MTREX: variants seen among roughly 807,000 people sequenced by gnomAD.
MTREX encodes the protein exosome RNA helicase MTR4.
MTREX carries 76 observed loss-of-function variants against 135.4 expected under a neutral mutation model. The observed-to-expected ratio is 0.56, with a 90% CI of 0.47 to 0.68. MTREX has a LOEUF of 0.68. Ranked by LOEUF, MTREX falls within the 30% of genes least tolerant of loss-of-function variation. MTREX has a pLI of 0.00. For synonymous variants in MTREX, 404 were observed against 401.6 expected (o/e 1.01, Z -0.07); for missense variants, 920 against 1,262.1 (o/e 0.73, Z 4.11).
chr5:55,362,561 A>G (rs560647728), intron 15 of MTREX, among the ~76,000 whole-genome samples: 4 of 151,794 alleles, frequency 2.6e-5, no homozygotes, highest in African/African-American at 9.7e-5. Context: ...GGATTTCGCC[A>G]TGTTAGCCAG....
chr5:55,416,565 A>G (rs1750969227), intron 25 of MTREX, among the ~76,000 whole-genome samples: 1 of 152,168 alleles, frequency 6.6e-6, no homozygotes, highest in South Asian at 2.1e-4. Context: ...CATGAATCAG[A>G]TTAAATTTAA....
chr5:55,324,092 G>T, intron 2 of MTREX, 40 bp from the exon 3 acceptor site: 1 of 1,422,880 alleles, frequency 7.0e-7, no homozygotes. Context: ...TTATAGAAAA[G>T]TAATTTGTTT....
intron 7 of MTREX, among the ~76,000 whole-genome samples, chr5:55,342,915 A>C (rs1165586432): frequency 6.6e-6 from 1 of 152,220 alleles, no homozygotes; most frequent in Non-Finnish European, 1.5e-5. Flanking sequence ...TCTCCAGAGG[A>C]TCACAAGGAT....
intron 20 of MTREX, 83 bp downstream of exon 20, chr5:55,397,609 AAT>A: frequency 2.7e-6 from 2 of 752,908 alleles, no homozygotes; most frequent in Non-Finnish European, 2.1e-6. Context: ...AATGCTTTTA[AAT>A]ATATTGCTTT....
rs770594394 is a variant in MTREX at position 55,422,850 on chromosome 5, A to G, written c.2972-28A>G. ...TGCTGTTCCTGATTATTTCCATTTTACCAGTGTTTTGTTCCTTTTCTATCC... is the reference window on the plus strand; with the variant it reads ...TGCTGTTCCTGATTATTTCCATTTTGCCAGTGTTTTGTTCCTTTTCTATCC... On this transcript the variant is annotated intron_variant, in intron 25 of 26. Coordinates refer to ENST00000230640, the MANE Select transcript of MTREX (RefSeq NM_015360.5). 3.2e-6 allele frequency: 5 copies of G among 1,571,228 alleles called. No individual in the cohort carries two copies. The Admixed American group carries it at 5.3e-5, about 17-fold the overall frequency.
At chr5:55,402,615 G>A (rs1750739412) in intron 21 of MTREX, among the ~76,000 whole-genome samples, 1 of 152,124 alleles carries the variant, frequency 6.6e-6, no homozygotes, top group Admixed American at 6.6e-5. Flanking sequence ...ATGAAAAAAG[G>A]ATCTGAAATT....
intron 1 of MTREX, among the ~76,000 whole-genome samples, chr5:55,312,105 G>T (rs946853714): frequency 6.6e-6 from 1 of 152,014 alleles, no homozygotes; most frequent in African/African-American, 2.4e-5. Context: ...AGTGATAATT[G>T]CCCAGGTCCA....
intron 16 of MTREX, among the ~76,000 whole-genome samples, chr5:55,372,362 A>G (rs571332858): frequency 1.3e-5 from 2 of 152,314 alleles, no homozygotes; most frequent in Non-Finnish European, 1.5e-5. Context: ...AAAGACTAGA[A>G]CTTAGAGCTC....
At position 55,424,715 on chromosome 5, in the gene MTREX, C is replaced by G. The variant is rs1751122306; in HGVS notation, c.3077-5C>G. On this transcript the variant is annotated splice_region_variant and splice_polypyrimidine_tract_variant and intron_variant, in intron 26 of 26. Coordinates refer to ENST00000230640, the MANE Select transcript of MTREX (RefSeq NM_015360.5). ...AAGTTTAAACCTTACTTTCTTTTCTCTTAGGAATCACCAAAATCAAGAGAG... is the reference window on the plus strand; with the variant it reads ...AAGTTTAAACCTTACTTTCTTTTCTGTTAGGAATCACCAAAATCAAGAGAG... 2 of 1,608,406 alleles carry G rather than the reference C, an allele frequency of 1.2e-6. No homozygotes were observed. The highest frequency in any genetic ancestry group is 1.7e-6 in the Non-Finnish European group (2 of 1,174,998).
intron 4 of MTREX, 100 bp downstream of exon 4, chr5:55,327,878 A>ATATG (rs1561187533): frequency 2.3e-6 from 2 of 851,100 alleles, no homozygotes; most frequent in Admixed American, 4.5e-5. Context: ...CACAACATGT[A>ATATG]TATGTATGTA....
intron 9 of MTREX, 73 bp from the exon 10 acceptor site, chr5:55,345,021 C>T (rs1372638204): frequency 1.2e-6 from 1 of 845,928 alleles, no homozygotes; most frequent in Non-Finnish European, 1.9e-6. Flanking sequence ...TTTGGGGAAG[C>T]CTTATGTATG....
chr5:55,367,015 G>T, intron 16 of MTREX, 140 bp downstream of exon 16: 1 of 582,596 alleles, frequency 1.7e-6, no homozygotes, highest in East Asian at 2.8e-5. Flanking sequence ...ACTGTAGTCT[G>T]GTCATTGTAA....
chr5:55,381,484 T>C (rs765934925), intron 18 of MTREX, among the ~76,000 whole-genome samples: 4 of 152,212 alleles, frequency 2.6e-5, no homozygotes, highest in Non-Finnish European at 1.5e-5. Context: ...CTCAAAGTAT[T>C]TTCTAATTTC....
intron 8 of MTREX, 108 bp downstream of exon 8, chr5:55,343,563 A>AC: frequency 2.1e-6 from 2 of 953,370 alleles, no homozygotes; most frequent in African/African-American, 1.7e-5. Context: ...ATAATAAAAA[A>AC]AACATTTTAA....
At chr5:55,325,192 TTAA>T (rs901007358) in intron 3 of MTREX, among the ~76,000 whole-genome samples, 2 of 152,120 alleles carry the variant, frequency 1.3e-5, no homozygotes, top group African/African-American at 4.8e-5. Context: ...GTAATCCAAA[TTAA>T]CAAAAAGACT....
intron 4 of MTREX, among the ~76,000 whole-genome samples, chr5:55,328,449 TTAATA>T (rs779625901): frequency 6.6e-6 from 1 of 152,170 alleles, no homozygotes; most frequent in East Asian, 1.9e-4. Context: ...TATTTTATTA[TTAATA>T]TAATAGACAC....
intron 1 of MTREX, among the ~76,000 whole-genome samples, chr5:55,320,349 G>T (rs1398037231): frequency 2.0e-5 from 3 of 151,706 alleles, no homozygotes; most frequent in Non-Finnish European, 2.9e-5. Context: ...CGAGTACCTG[G>T]GACTACAGGT....
intron 22 of MTREX, among the ~76,000 whole-genome samples, chr5:55,409,286 C>T (rs150864684): frequency 6.6e-6 from 1 of 152,002 alleles, no homozygotes; most frequent in South Asian, 2.1e-4. Flanking sequence ...GATTATTATT[C>T]ATGTAATCAT....
rs748474527 is a variant in MTREX, at chr5:55,351,060, C to T, written c.1431+31C>T. On this transcript the variant is annotated intron_variant, in intron 13 of 26. Transcript: ENST00000230640. ...GTTTTATTTTTATTTTTTATGCCCC[C>T]ATATCATGTTGTATGAAGAGTTTGA... The T allele has an allele frequency of 4.5e-6, 7 of 1,565,130 alleles. No homozygotes were observed. In the East Asian group the frequency reaches 1.4e-4, roughly 31 times the overall value.
Sources: gnomAD v4.1 joint callset for allele counts (sites outside exome capture counted in the v4.1 genomes callset) on GRCh38, gnomAD v4.1.1 for gene constraint, MANE v1.5 for transcripts, NCBI Gene and HGNC (gene_info 2026-07-23, HGNC 2026-07-21) for gene names.